NEBL: variants seen among roughly 807,000 people sequenced by gnomAD.
NEBL encodes the protein LIM and SH3 protein 2.
Under a neutral mutation model 140.2 loss-of-function variants are expected in NEBL, and 122 were observed. The ratio of observed to expected loss-of-function variants is 0.87; its 90% confidence interval spans 0.75 to 1.01. The LOEUF is 1.01. Among genes scored for constraint, NEBL ranks in the 50% least tolerant of loss-of-function variants. The probability of loss-of-function intolerance (pLI) is 0.00; values close to 1 mark genes in which losing one functional copy is unlikely to be tolerated. For missense variants in NEBL, 1,365 were observed against 1,231.3 expected, an observed-to-expected ratio of 1.11 and a Z score of -1.62; for synonymous variants, 436 against 398.9, an observed-to-expected ratio of 1.09 and a Z score of -1.11.
At chr10:21,090,286 G>A (rs1200891059) in intron 2 of NEBL, among the ~76,000 whole-genome samples, 1 of 152,190 alleles carries the variant, frequency 6.6e-6, no homozygotes. Flanking sequence ...AAGGGCACAA[G>A]TACAGTCAGC....
At chr10:21,063,232 G>T (rs1835380764) in intron 2 of NEBL, among the ~76,000 whole-genome samples, 1 of 152,108 alleles carries the variant, frequency 6.6e-6, no homozygotes, top group African/African-American at 2.4e-5. Flanking sequence ...CCTGTCAGCT[G>T]TGCTTCTGAC....
At chr10:21,287,344 T>C (rs1843070069) in intron 1 of NEBL, among the ~76,000 whole-genome samples, 1 of 152,156 alleles carries the variant, frequency 6.6e-6, no homozygotes, top group South Asian at 2.1e-4. Context: ...GGGACCAGCC[T>C]GGGCAACATG....
intron 3 of NEBL, among the ~76,000 whole-genome samples, chr10:20,967,182 A>T (rs532256427): frequency 1.4e-5 from 2 of 146,560 alleles, no homozygotes; most frequent in Admixed American, 1.3e-4. Flanking sequence ...CTATTTTCAA[A>T]GAAAAAAAAA....
In NEBL at chr10:21,168,908, G is replaced by C. The variant is rs936351228; in HGVS notation, c.164+3475C>G. Among the ~76,000 whole-genome samples, 10 of 150,716 alleles carry C rather than the reference G, an allele frequency of 6.6e-5. No individual in the cohort carries two copies. In the East Asian group the frequency reaches 2.0e-3, roughly 29 times the overall value. On this transcript the variant is annotated intron_variant, in intron 2 of 6. Coordinates refer to the NEBL transcript ENST00000417816. Reference sequence around the variant, plus strand: ...CTAAAAAATACAAAAAATTAGCCGGGCTTGGTGGCGGGCGCCCCTAGTCCC... The same window carrying C: ...CTAAAAAATACAAAAAATTAGCCGGCCTTGGTGGCGGGCGCCCCTAGTCCC...
intron 2 of NEBL, among the ~76,000 whole-genome samples, chr10:21,060,788 T>C (rs1374271658): frequency 3.3e-5 from 5 of 152,100 alleles, no homozygotes. Flanking sequence ...CCAAGGGTGA[T>C]CACAACCTCT....
At chr10:20,856,242 G>A (rs1268597307) in intron 9 of NEBL, among the ~76,000 whole-genome samples, 1 of 152,146 alleles carries the variant, frequency 6.6e-6, no homozygotes, top group Non-Finnish European at 1.5e-5. Context: ...ACTTTGCTGT[G>A]TTTTCTCTGT....
chr10:21,244,908 G>A lies in NEBL; in HGVS notation n.348+3013C>T, dbSNP rs563898316. The stretch of plus-strand genomic sequence containing the variant: ...GCAATAGCACATGCCTGTAATCCCA[G>A]CACTTCAGGAGGCCAAGATGGGAGA... On this transcript the variant is annotated intron_variant and non_coding_transcript_variant, in intron 3 of 8. Coordinates refer to the NEBL transcript ENST00000675702. Among the ~76,000 whole-genome samples the A allele has an allele frequency of 5.3e-5, 8 of 151,284 alleles. No individual in the cohort carries two copies. In the South Asian group the frequency reaches 1.7e-3, roughly 32 times the overall value.
chr10:21,286,859 C>A (rs1843062841), intron 1 of NEBL, among the ~76,000 whole-genome samples: 1 of 151,498 alleles, frequency 6.6e-6, no homozygotes, highest in Non-Finnish European at 1.5e-5. Context: ...AAAAAGCAGA[C>A]TACAGCTATA....
chr10:20,977,240 G>C (rs1272074551), intron 3 of NEBL, among the ~76,000 whole-genome samples: 1 of 151,882 alleles, frequency 6.6e-6, no homozygotes, highest in Non-Finnish European at 1.5e-5. Flanking sequence ...ACAAATTAAA[G>C]AGGTTAAAGT....
At chr10:20,867,049 G>T (rs1393239071) in intron 7 of NEBL, among the ~76,000 whole-genome samples, 3 of 151,908 alleles carry the variant, frequency 2.0e-5, no homozygotes, top group Non-Finnish European at 1.5e-5. Flanking sequence ...CTCATCAAAT[G>T]CATTAGAAGT....
intron 4 of NEBL, among the ~76,000 whole-genome samples, chr10:20,927,117 G>A (rs1833950239): frequency 1.3e-5 from 2 of 152,120 alleles, no homozygotes; most frequent in African/African-American, 2.4e-5. Flanking sequence ...AGGAGCGGAG[G>A]ATAACTAAGT....
intron 3 of NEBL, among the ~76,000 whole-genome samples, chr10:21,010,092 G>A (rs1052252388): frequency 6.6e-6 from 1 of 152,142 alleles, no homozygotes; most frequent in Non-Finnish European, 1.5e-5. Context: ...AGGAAATTAA[G>A]AGTGTTGATT....
At chr10:20,997,071 T>C (rs974367523) in intron 3 of NEBL, among the ~76,000 whole-genome samples, 6 of 152,242 alleles carry the variant, frequency 3.9e-5, no homozygotes, top group Non-Finnish European at 7.3e-5. Flanking sequence ...AACATAATTT[T>C]AGAAAGCTTT....
chr10:21,026,809 T>G (rs1425752256), intron 2 of NEBL, among the ~76,000 whole-genome samples: 1 of 152,182 alleles, frequency 6.6e-6, no homozygotes, highest in Admixed American at 6.5e-5. Context: ...GAACTTGAAT[T>G]TGGGGAGGGT....
intron 3 of NEBL, among the ~76,000 whole-genome samples, chr10:20,981,412 A>AC (rs1291303390): frequency 4.8e-5 from 7 of 144,696 alleles, no homozygotes; most frequent in Admixed American, 2.6e-4. Flanking sequence ...TCATAAAAAA[A>AC]ACACACACAA....
chr10:21,085,559 CAA>C (rs1836585960), intron 2 of NEBL, among the ~76,000 whole-genome samples: 1 of 152,134 alleles, frequency 6.6e-6, no homozygotes, highest in South Asian at 2.1e-4. Context: ...CATTTGAGCC[CAA>C]GAGTTAGAGG....
At chr10:20,981,405 TA>T (rs202215550) in intron 3 of NEBL, among the ~76,000 whole-genome samples, 15 of 143,646 alleles carry the variant, frequency 1.0e-4, no homozygotes, top group African/African-American at 2.3e-4. Context: ...CTGCATCTCA[TA>T]AAAAAAACAC....
At chr10:20,828,685 T>TA in intron 16 of NEBL, 51 bp from the exon 17 acceptor site, 1 of 1,235,944 alleles carries the variant, frequency 8.1e-7, no homozygotes, top group Non-Finnish European at 1.2e-6. Context: ...TGTGCGCACA[T>TA]GTGAGAGGGA....
chr10:20,856,428 C>G (rs545623805), intron 9 of NEBL, among the ~76,000 whole-genome samples: 8 of 152,048 alleles, frequency 5.3e-5, no homozygotes, highest in African/African-American at 9.7e-5. Flanking sequence ...CACATGAATC[C>G]CCATGTCCCT....
Sources: allele counts gnomAD v4.1 joint callset (sites outside exome capture counted in the v4.1 genomes callset), GRCh38; gene constraint gnomAD v4.1.1; transcripts MANE v1.5; gene names NCBI Gene and HGNC (gene_info 2026-07-23, HGNC 2026-07-21).